The following CRLS1 variants were observed in gnomAD, a reference collection of about 807,000 sequenced individuals.
CRLS1 encodes the protein cardiolipin synthase (CMP-forming).
CRLS1 carries 24 observed loss-of-function variants against 37.0 expected under a neutral mutation model. That is an observed-to-expected ratio of 0.65 (90% confidence interval 0.47 to 0.91). The LOEUF is 0.91. Among genes scored for constraint, CRLS1 ranks in the 40% least tolerant of loss-of-function variants. The probability of loss-of-function intolerance (pLI) is 0.00; values close to 1 mark genes in which losing one functional copy is unlikely to be tolerated. For missense variants in CRLS1, 373 were observed against 395.8 expected, an observed-to-expected ratio of 0.94 and a Z score of 0.49; for synonymous variants, 135 against 159.7, an observed-to-expected ratio of 0.85 and a Z score of 1.17.
intron 3 of CRLS1, among the ~76,000 whole-genome samples, chr20:6,026,911 TA>T (rs1979755034): frequency 6.6e-6 from 1 of 152,142 alleles, no homozygotes; most frequent in African/African-American, 2.4e-5. Flanking sequence ...TTGGGGTTGG[TA>T]ACTTTTCCTG....
intron 1 of CRLS1, 73 bp from the exon 2 acceptor site, chr20:6,009,702 A>G: frequency 5.1e-6 from 6 of 1,175,170 alleles, no homozygotes; most frequent in Non-Finnish European, 7.0e-6. Context: ...ATATTTTTCT[A>G]ATGTATGTAT....
intron 3 of CRLS1, among the ~76,000 whole-genome samples, chr20:6,018,744 C>A (rs1978970568): frequency 6.6e-6 from 1 of 152,106 alleles, no homozygotes; most frequent in Non-Finnish European, 1.5e-5. Context: ...AAGCCACCAC[C>A]CCTGGCCTGG....
chr20:6,011,324 G>C (rs1218524275), intron 2 of CRLS1, among the ~76,000 whole-genome samples: 4 of 151,912 alleles, frequency 2.6e-5, no homozygotes, highest in African/African-American at 7.3e-5. Flanking sequence ...TGTTCTCTTC[G>C]AGGTTCATAG....
intron 1 of CRLS1, among the ~76,000 whole-genome samples, chr20:6,009,422 T>C (rs945877675): frequency 6.6e-6 from 1 of 152,162 alleles, no homozygotes; most frequent in Non-Finnish European, 1.5e-5. Context: ...TGTATTCTTT[T>C]TTTTTCTTTT....
rs773478397 is a variant in CRLS1, at chr20:6,037,178, T to TTAG, written c.*23_*25dup. On this transcript the variant is annotated 3_prime_UTR_variant, in exon 7 of 7. Coordinates refer to ENST00000378863, the MANE Select transcript of CRLS1 (RefSeq NM_019095.6). The stretch of plus-strand genomic sequence containing the variant: ...GACTGATGAAAGTCATCCCTCACTG[T>TTAG]TAGTAAGGAAGCAGTATACATCAAT... 1 of 1,562,336 alleles carries TTAG rather than the reference T, an allele frequency of 6.4e-7. No homozygotes were observed. Among genetic ancestry groups the TTAG allele is most frequent in the Non-Finnish European group, 8.8e-7 (1 of 1,133,518 alleles).
intron 2 of CRLS1, among the ~76,000 whole-genome samples, chr20:6,011,965 GT>G (rs540971814): frequency 3.3e-5 from 5 of 149,614 alleles, no homozygotes; most frequent in East Asian, 2.0e-4. Context: ...ACTGATAACA[GT>G]TTTTTTTTAA....
In CRLS1 at chr20:6,037,249, G is replaced by C. The variant is rs1189423208; in HGVS notation, c.*91G>C. 9.6e-6 allele frequency: 8 copies of C among 837,566 alleles called. No individual in the cohort carries two copies. Among genetic ancestry groups the C allele is most frequent in the Non-Finnish European group, 1.4e-5 (8 of 565,074 alleles). The allele number at this position is 837,566 out of a possible 1,614,324, so 51.9% of individuals were successfully genotyped here. On this transcript the variant is annotated 3_prime_UTR_variant, in exon 7 of 7. Transcript: ENST00000378863. ...TGTACAGGAGTTTCCCTATTTTGGT[G>C]TTCAGCTTGAAAAAGGACTTGTCAG...
At position 6,039,853 on chromosome 20, in the gene CRLS1, C is replaced by G. The variant is rs1980859753; in HGVS notation, c.*2695C>G. The stretch of plus-strand genomic sequence containing the variant: ...AGGAATACTGAGGATTGCTGCCAAC[C>G]ATCCGAAGCTGGGAGAGGAGATGGA... On this transcript the variant is annotated 3_prime_UTR_variant, in exon 7 of 7. Coordinates refer to ENST00000378863, the MANE Select transcript of CRLS1 (RefSeq NM_019095.6). 2 of 152,150 alleles carry G rather than the reference C, an allele frequency of 1.3e-5. No individual in the cohort carries two copies. Among genetic ancestry groups the G allele is most frequent in the South Asian group, 4.2e-4 (2 of 4,818 alleles). 9.4% of individuals were successfully genotyped at this position (152,150 alleles called of 1,614,324 possible).
chr20:6,010,408 T>C lies in CRLS1; in HGVS notation c.444+496T>C, dbSNP rs573550985. ...TCATAGCTTTGCTCAGGTTTCATGC[T>C]AGCAGAAGGCTGTAGGTACCCCCAC... On this transcript the variant is annotated intron_variant, in intron 2 of 6. Coordinates refer to ENST00000378863, the MANE Select transcript of CRLS1 (RefSeq NM_019095.6). 2.6e-5 allele frequency among the ~76,000 whole-genome samples: 4 copies of C among 152,334 alleles called. No homozygotes were observed. In the South Asian group the frequency reaches 8.3e-4, roughly 32 times the overall value.
At chr20:6,027,394 T>A (rs1346309280) in intron 3 of CRLS1, among the ~76,000 whole-genome samples, 1 of 147,972 alleles carries the variant, frequency 6.8e-6, no homozygotes, top group African/African-American at 2.5e-5. Context: ...TTTGTTTGTT[T>A]GTTTGTTTTT....
Position 6,023,618 on chromosome 20 carries a change from A to G in CRLS1, c.575-7667A>G, listed in dbSNP as rs114029050. ...GATTGATTCTCTTTTTATCTTTCAG[A>G]TTTTCTTTTAAAAATCTTTGTTTTT... On this transcript the variant is annotated intron_variant, in intron 3 of 6. Transcript: ENST00000378863. Among the ~76,000 whole-genome samples the G allele has an allele frequency of 6.2e-3, 893 of 143,444 alleles. 11 individuals are homozygous for G. Among genetic ancestry groups the G allele is most frequent in the African/African-American group, 0.022 (825 of 37,832 alleles). The allele number at this position is 143,444 out of a possible 152,430, so 94.1% of individuals were successfully genotyped here.
chr20:6,031,168 T>C, intron 3 of CRLS1, 117 bp from the exon 4 acceptor site: 1 of 610,946 alleles, frequency 1.6e-6, no homozygotes, highest in Non-Finnish European at 2.7e-6. Context: ...CATTATAAAA[T>C]TTCTATTTGT....
intron 3 of CRLS1, among the ~76,000 whole-genome samples, chr20:6,027,776 C>A (rs528842355): frequency 6.6e-6 from 1 of 152,220 alleles, no homozygotes; most frequent in South Asian, 2.1e-4. Context: ...GACTTTCTTT[C>A]CCCCCAATCA....
chr20:6,018,070 G>A (rs1295689895), intron 3 of CRLS1, among the ~76,000 whole-genome samples: 2 of 151,804 alleles, frequency 1.3e-5, no homozygotes, highest in African/African-American at 4.8e-5. Context: ...ACAACAATTA[G>A]CCATATGTGG....
intron 4 of CRLS1, among the ~76,000 whole-genome samples, 198 bp downstream of exon 4, chr20:6,031,568 A>G (rs973517488): frequency 6.6e-6 from 1 of 152,182 alleles, no homozygotes; most frequent in African/African-American, 2.4e-5. Context: ...AACCTCTACC[A>G]TGGATAGTCT....
Position 6,011,855 on chromosome 20 carries a change from G to T in CRLS1, c.444+1943G>T, listed in dbSNP as rs960025958. ...CCCACCTCGGCCTCCCTCGGCCTGG[G>T]ATTACAGGTGTGAGCCACCACACCT... On this transcript the variant is annotated intron_variant, in intron 2 of 6. Transcript: ENST00000378863. Among the ~76,000 whole-genome samples the T allele has an allele frequency of 5.5e-4, 83 of 151,676 alleles. 1 individual carries two copies. The highest frequency in any genetic ancestry group is 5.4e-3 in the Admixed American group (83 of 15,254).
At chr20:6,035,062 C>T (rs953197584) in intron 6 of CRLS1, among the ~76,000 whole-genome samples, 3 of 152,136 alleles carry the variant, frequency 2.0e-5, no homozygotes, top group Non-Finnish European at 2.9e-5. Context: ...GTCAAATTCA[C>T]GCTTTCAGAG....
rs938391431 is a variant in CRLS1 at position 6,036,997 on chromosome 20, A to T, written c.822-77A>T. ...CATTTTTACATTTTAAATTCATTGC[A>T]TGTATTCATTATGATTCCCGTTGCT... On this transcript the variant is annotated intron_variant, in intron 6 of 6. Transcript: ENST00000378863. 3.1e-6 allele frequency: 3 copies of T among 965,836 alleles called. No homozygotes were observed. In the East Asian group the frequency reaches 7.3e-5, roughly 23 times the overall value. 59.8% of individuals were successfully genotyped at this position (965,836 alleles called of 1,614,324 possible). A position where few individuals can be genotyped will look rare whatever the true frequency, so the allele number is the denominator to read the frequency against.
At chr20:6,013,718 G>C (rs938391067) in intron 2 of CRLS1, among the ~76,000 whole-genome samples, 1 of 152,204 alleles carries the variant, frequency 6.6e-6, no homozygotes, top group Non-Finnish European at 1.5e-5. Context: ...AGTATTGGGT[G>C]CCCATGGGAG....
Sources: gnomAD v4.1 joint callset for allele counts (sites outside exome capture counted in the v4.1 genomes callset) on GRCh38, gnomAD v4.1.1 for gene constraint, MANE v1.5 for transcripts, NCBI Gene and HGNC (gene_info 2026-07-23, HGNC 2026-07-21) for gene names.